GRM7: variants seen among roughly 807,000 people sequenced by gnomAD.
The protein encoded by GRM7 is metabotropic glutamate receptor 7.
In GRM7, 35 loss-of-function variants were observed where a neutral mutation model predicts 84.5. The ratio of observed to expected loss-of-function variants is 0.41; its 90% confidence interval spans 0.32 to 0.55. The LOEUF (loss-of-function observed/expected upper bound fraction) is 0.55, where lower values mean the gene tolerates loss of function less well. GRM7 is among the 20% of genes least tolerant of loss of function. GRM7 has a pLI of 0.19. For missense variants in GRM7, 1,003 were observed against 1,194.6 expected (o/e 0.84, Z 2.36); for synonymous variants, 487 against 455.1 (o/e 1.07, Z -0.89).
At chr3:7,597,189 G>A (rs13321611) in intron 8 of GRM7, among the ~76,000 whole-genome samples, 17,857 of 152,086 alleles carry the variant, frequency 0.12, 1,378 homozygotes, top group African/African-American at 0.21. Flanking sequence ...AGACGAGGGG[G>A]ACGTAGGCAT....
intron 8 of GRM7, among the ~76,000 whole-genome samples, chr3:7,631,206 A>C (rs1697845435): frequency 6.6e-6 from 1 of 152,094 alleles, no homozygotes; most frequent in Non-Finnish European, 1.5e-5. Context: ...GGCTCTTTGT[A>C]CTTTCTCTTT....
intron 2 of GRM7, among the ~76,000 whole-genome samples, chr3:7,297,574 G>C (rs1238148371): frequency 1.3e-5 from 2 of 152,124 alleles, no homozygotes; most frequent in Non-Finnish European, 2.9e-5. Context: ...CACTTAGAGT[G>C]AGCTAACACT....
intron 4 of GRM7, among the ~76,000 whole-genome samples, chr3:7,333,658 A>C (rs1701296124): frequency 6.6e-6 from 1 of 152,186 alleles, no homozygotes; most frequent in Non-Finnish European, 1.5e-5. Flanking sequence ...TTGATTATTA[A>C]GCTACTCAAG....
chr3:7,736,938 GAAATT>G (rs1275806033), intron 9 of GRM7, among the ~76,000 whole-genome samples: 1 of 152,042 alleles, frequency 6.6e-6, no homozygotes, highest in East Asian at 1.9e-4. Context: ...AAAATATAAA[GAAATT>G]AAATATGGGG....
At chr3:6,974,110 G>C (rs1693886295) in intron 1 of GRM7, among the ~76,000 whole-genome samples, 1 of 152,148 alleles carries the variant, frequency 6.6e-6, no homozygotes, top group East Asian at 1.9e-4. Context: ...TATTTACCAA[G>C]AGAGAGGATG....
At chr3:7,156,905 C>A (rs1167863059) in intron 2 of GRM7, among the ~76,000 whole-genome samples, 2 of 151,760 alleles carry the variant, frequency 1.3e-5, no homozygotes, top group African/African-American at 4.8e-5. Context: ...TGAGAATTAA[C>A]CTCTCCCCTA....
intron 1 of GRM7, among the ~76,000 whole-genome samples, chr3:6,979,152 T>C (rs1226592026): frequency 6.6e-6 from 1 of 152,182 alleles, no homozygotes; most frequent in African/African-American, 2.4e-5. Flanking sequence ...ACCCACCATT[T>C]GATTTAAGAT....
At chr3:7,288,578 A>G (rs9870087) in intron 2 of GRM7, among the ~76,000 whole-genome samples, 2,030 of 152,246 alleles carry the variant, frequency 0.013, 55 homozygotes, top group African/African-American at 0.044. Context: ...ACTTCTGTCT[A>G]TCTCTGGCAT....
chr3:7,656,728 C>A (rs1385685161), intron 8 of GRM7, among the ~76,000 whole-genome samples: 1 of 151,940 alleles, frequency 6.6e-6, no homozygotes, highest in African/African-American at 2.4e-5. Flanking sequence ...TACCACCTAC[C>A]TCAGGAATGT....
chr3:7,633,026 T>G (rs537803467), intron 8 of GRM7, among the ~76,000 whole-genome samples: 2 of 152,380 alleles, frequency 1.3e-5, no homozygotes, highest in East Asian at 3.9e-4. Flanking sequence ...CAGTCATTGA[T>G]CCACAAATGT....
intron 4 of GRM7, among the ~76,000 whole-genome samples, chr3:7,318,732 C>T (rs1466186251): frequency 1.3e-5 from 2 of 151,902 alleles, no homozygotes; most frequent in Non-Finnish European, 2.9e-5. Flanking sequence ...TTAAAATGAC[C>T]TTCTTCTAAC....
At chr3:7,223,533 G>T (rs1696879921) in intron 2 of GRM7, among the ~76,000 whole-genome samples, 1 of 149,122 alleles carries the variant, frequency 6.7e-6, no homozygotes, top group Admixed American at 6.7e-5. Context: ...ATCAAAAAAA[G>T]CTCCTCTTTC....
Position 6,866,914 on chromosome 3 carries a change from C to T in GRM7, c.519+5007C>T, listed in dbSNP as rs879790883. On this transcript the variant is annotated intron_variant, in intron 1 of 9. Transcript: ENST00000357716. ...TTTCTCTCAGAGATAAATGGGAACACTATCTCCTCTCTCTGGAATTTTTAA... is the reference window on the plus strand; with the variant it reads ...TTTCTCTCAGAGATAAATGGGAACATTATCTCCTCTCTCTGGAATTTTTAA... Among the ~76,000 whole-genome samples, 5 of 152,328 alleles carry T rather than the reference C, an allele frequency of 3.3e-5. No homozygotes were observed. The Middle Eastern group carries it at 0.01, about 311-fold the overall frequency.
At chr3:7,415,198 C>G (rs774434232) in intron 5 of GRM7, 35 bp downstream of exon 5, 26 of 1,582,426 alleles carry the variant, frequency 1.6e-5, no homozygotes, top group Non-Finnish European at 1.7e-5. Flanking sequence ...TCCTATTACT[C>G]TACGTGGCTA....
chr3:7,180,130 A>G (rs963882320), intron 2 of GRM7, among the ~76,000 whole-genome samples: 2 of 152,252 alleles, frequency 1.3e-5, no homozygotes, highest in Non-Finnish European at 2.9e-5. Flanking sequence ...TGCAAATAAC[A>G]TCAATCAATT....
intron 1 of GRM7, among the ~76,000 whole-genome samples, chr3:6,923,036 A>G (rs9311968): frequency 0.12 from 17,791 of 151,294 alleles, 1,185 homozygotes; most frequent in African/African-American, 0.17. Flanking sequence ...TTTTTTTTGC[A>G]ACGGAGTCTT....
intron 1 of GRM7, among the ~76,000 whole-genome samples, chr3:6,990,144 C>A (rs1338405448): frequency 6.6e-6 from 1 of 152,202 alleles, no homozygotes; most frequent in African/African-American, 2.4e-5. Context: ...ACAGGCAGCC[C>A]TTCCCAATTT....
chr3:7,407,656 G>A (rs540068088), intron 4 of GRM7, among the ~76,000 whole-genome samples: 1 of 152,156 alleles, frequency 6.6e-6, no homozygotes, highest in Non-Finnish European at 1.5e-5. Context: ...AATATGTGAA[G>A]AAATGAATGA....
At chr3:7,555,912 TA>T (rs1256331672) in intron 7 of GRM7, among the ~76,000 whole-genome samples, 2 of 152,164 alleles carry the variant, frequency 1.3e-5, no homozygotes, top group African/African-American at 4.8e-5. Flanking sequence ...AAAGCATTGC[TA>T]ATCTTAGTAA....
Sources: allele counts gnomAD v4.1 joint callset (sites outside exome capture counted in the v4.1 genomes callset), GRCh38; gene constraint gnomAD v4.1.1; transcripts MANE v1.5; gene names NCBI Gene and HGNC (gene_info 2026-07-23, HGNC 2026-07-21).